PVT1: variants seen among roughly 807,000 people sequenced by gnomAD.
PVT1 encodes CXCR4/PVT1 fusion.
chr8:127,916,878 C>G (rs1251314107), intron 3 of PVT1, among the ~76,000 whole-genome samples: 1 of 152,190 alleles, frequency 6.6e-6, no homozygotes, highest in Non-Finnish European at 1.5e-5. Context: ...GGCAGCACTT[C>G]TTGCACAAGC....
At position 127,945,114 on chromosome 8, in the gene PVT1, G is replaced by C. The variant is rs528851282; in HGVS notation, n.783-44048G>C. On this transcript the variant is annotated intron_variant and non_coding_transcript_variant, in intron 3 of 10. Transcript: ENST00000651587. ...GTTGGATCAGAGGAGAATGAACAATGAACAGTGGCCGAGTGTTTTTCAAGG... is the reference window on the plus strand; with the variant it reads ...GTTGGATCAGAGGAGAATGAACAATCAACAGTGGCCGAGTGTTTTTCAAGG... 3.1e-3 allele frequency among the ~76,000 whole-genome samples: 474 copies of C among 152,312 alleles called. 2 individuals are homozygous for C. Among genetic ancestry groups the C allele is most frequent in the Non-Finnish European group, 5.4e-3 (368 of 68,022 alleles).
chr8:127,795,544 G>T (rs1372199579), intron 1 of PVT1, among the ~76,000 whole-genome samples: 1 of 152,122 alleles, frequency 6.6e-6, no homozygotes, highest in Non-Finnish European at 1.5e-5. Context: ...AGGTTTTGGT[G>T]TTTCCTTTCT....
intron 4 of PVT1, among the ~76,000 whole-genome samples, chr8:128,057,147 G>T (rs546698031): frequency 6.6e-6 from 1 of 152,172 alleles, no homozygotes; most frequent in Non-Finnish European, 1.5e-5. Flanking sequence ...CCCAGGTCCA[G>T]CTTCTGGGTG....
intron 2 of PVT1, among the ~76,000 whole-genome samples, chr8:127,797,394 C>T (rs1245524598): frequency 6.6e-6 from 1 of 152,116 alleles, no homozygotes; most frequent in African/African-American, 2.4e-5. Flanking sequence ...GACCACACCC[C>T]CCACCCCAAT....
intron 3 of PVT1, among the ~76,000 whole-genome samples, chr8:127,958,920 A>G (rs996451811): frequency 6.6e-6 from 1 of 152,110 alleles, no homozygotes; most frequent in South Asian, 2.1e-4. Context: ...TGAAGTGGAT[A>G]CTATCGAAGG....
chr8:127,899,563 C>G (rs911296988), intron 3 of PVT1, among the ~76,000 whole-genome samples: 1 of 152,190 alleles, frequency 6.6e-6, no homozygotes, highest in Non-Finnish European at 1.5e-5. Flanking sequence ...GGGAAACTGC[C>G]TGAGAGCTGG....
chr8:127,818,524 T>G (rs982463725), intron 2 of PVT1, among the ~76,000 whole-genome samples: 6 of 152,212 alleles, frequency 3.9e-5, no homozygotes, highest in Non-Finnish European at 1.5e-5. Context: ...GCCTGGGCTT[T>G]TTATAAATGA....
intron 3 of PVT1, among the ~76,000 whole-genome samples, chr8:127,982,273 A>G (rs1451982632): frequency 2.0e-5 from 3 of 152,218 alleles, no homozygotes; most frequent in African/African-American, 7.2e-5. Context: ...TTTCAGAAAC[A>G]TAAGGACTGG....
At chr8:128,080,153 T>C (rs1441073029) in intron 5 of PVT1, among the ~76,000 whole-genome samples, 2 of 152,186 alleles carry the variant, frequency 1.3e-5, no homozygotes, top group Non-Finnish European at 2.9e-5. Flanking sequence ...GGCATCTTGG[T>C]TGCTTCCAGG....
intron 6 of PVT1, chr8:128,099,236 C>T (rs1036854721): frequency 6.6e-6 from 1 of 152,302 alleles, no homozygotes; most frequent in Non-Finnish European, 1.5e-5. Flanking sequence ...TGAGCTTCTC[C>T]TGGGTCTTCC....
chr8:128,019,185 A>G (rs1271419731), intron 4 of PVT1, among the ~76,000 whole-genome samples: 1 of 152,248 alleles, frequency 6.6e-6, no homozygotes, highest in Non-Finnish European at 1.5e-5. Flanking sequence ...CAAGGAAAAG[A>G]ACTCTGAAAA....
At chr8:128,093,989 C>T (rs1387869410) in intron 5 of PVT1, among the ~76,000 whole-genome samples, 2 of 152,166 alleles carry the variant, frequency 1.3e-5, no homozygotes, top group Non-Finnish European at 2.9e-5. Context: ...GGATAAAGGC[C>T]TTTACTGTTC....
chr8:128,015,488 G>T (rs1817361902), intron 4 of PVT1, among the ~76,000 whole-genome samples: 2 of 152,052 alleles, frequency 1.3e-5, no homozygotes, highest in Admixed American at 1.3e-4. Context: ...TCAGATAATA[G>T]TTTGAAGCTG....
intron 5 of PVT1, among the ~76,000 whole-genome samples, chr8:128,080,026 T>C (rs1371955945): frequency 6.6e-6 from 1 of 152,192 alleles, no homozygotes; most frequent in Non-Finnish European, 1.5e-5. Context: ...CTTAGTAATA[T>C]GCATTTAAGG....
intron 2 of PVT1, among the ~76,000 whole-genome samples, chr8:127,874,933 TGTGG>T (rs1189715651): frequency 2.0e-5 from 3 of 146,496 alleles, no homozygotes; most frequent in African/African-American, 7.9e-5. Flanking sequence ...TGTGTGTGTG[TGTGG>T]GTGTGTGGCC....
intron 3 of PVT1, among the ~76,000 whole-genome samples, chr8:127,901,708 C>G (rs1484009652): frequency 6.6e-6 from 1 of 151,698 alleles, no homozygotes; most frequent in Non-Finnish European, 1.5e-5. Flanking sequence ...CACCATTGTA[C>G]AGCCACAAGG....
chr8:127,796,374 CTG>C (rs1384668710), intron 2 of PVT1, among the ~76,000 whole-genome samples: 7 of 152,184 alleles, frequency 4.6e-5, no homozygotes, highest in Non-Finnish European at 8.8e-5. Flanking sequence ...GTTCTCCCCT[CTG>C]TTCTGACATA....
intron 2 of PVT1, among the ~76,000 whole-genome samples, chr8:127,876,493 G>A (rs1217234587): frequency 6.6e-6 from 1 of 151,078 alleles, no homozygotes; most frequent in African/African-American, 2.5e-5. Context: ...GAATTTGTAT[G>A]TCTCCTGTGT....
At chr8:127,798,061 G>A (rs762995656) in intron 2 of PVT1, among the ~76,000 whole-genome samples, 10 of 152,150 alleles carry the variant, frequency 6.6e-5, no homozygotes, top group Non-Finnish European at 1.5e-4. Context: ...CCAGCACTTT[G>A]GGAGGCTGAG....
Sources: allele counts gnomAD v4.1 joint callset (sites outside exome capture counted in the v4.1 genomes callset), GRCh38; gene constraint gnomAD v4.1.1; transcripts MANE v1.5; gene names NCBI Gene and HGNC (gene_info 2026-07-23, HGNC 2026-07-21).